CSMD3: variants seen among roughly 807,000 people sequenced by gnomAD.
CSMD3 encodes CUB and sushi domain-containing protein 3.
CSMD3 carries 177 observed loss-of-function variants against 435.2 expected under a neutral mutation model. That is an observed-to-expected ratio of 0.41 (90% CI 0.36 to 0.46). The LOEUF (loss-of-function observed/expected upper bound fraction) is 0.46, where lower values mean the gene tolerates loss of function less well. Among genes scored for constraint, CSMD3 ranks in the 20% least tolerant of loss-of-function variants. CSMD3 has a pLI of 0.34. For missense variants in CSMD3, 4,265 were observed against 4,504.6 expected, an observed-to-expected ratio of 0.95 and a Z score of 1.52; for synonymous variants, 1,656 against 1,520.5, an observed-to-expected ratio of 1.09 and a Z score of -2.07.
chr8:112,769,038 A>C (rs2078049583), intron 13 of CSMD3, among the ~76,000 whole-genome samples: 1 of 151,916 alleles, frequency 6.6e-6, no homozygotes, highest in South Asian at 2.1e-4. Flanking sequence ...TTATACATGT[A>C]AAACATAATT....
At chr8:112,611,048 A>G (rs1002099866) in intron 22 of CSMD3, among the ~76,000 whole-genome samples, 1 of 152,230 alleles carries the variant, frequency 6.6e-6, no homozygotes, top group Non-Finnish European at 1.5e-5. Flanking sequence ...GAGAGGATTT[A>G]CTATGGACTA....
chr8:112,302,008 C>T (rs1423732719), intron 52 of CSMD3, 42 bp from the exon 53 acceptor site: 2 of 1,345,854 alleles, frequency 1.5e-6, no homozygotes, highest in Non-Finnish European at 2.1e-6. Flanking sequence ...AAGATATAGT[C>T]AAGCTGCACT....
chr8:112,855,396 A>G (rs1181265819), intron 11 of CSMD3, among the ~76,000 whole-genome samples: 1 of 152,178 alleles, frequency 6.6e-6, no homozygotes, highest in Non-Finnish European at 1.5e-5. Flanking sequence ...ATCTTGCATC[A>G]TTAGTTAACT....
chr8:113,395,148 A>G (rs183278875), intron 1 of CSMD3, among the ~76,000 whole-genome samples: 1 of 152,158 alleles, frequency 6.6e-6, no homozygotes, highest in Non-Finnish European at 1.5e-5. Context: ...TAGTACAAAC[A>G]TAAGGAACAG....
intron 16 of CSMD3, among the ~76,000 whole-genome samples, chr8:112,671,247 T>G (rs1402158102): frequency 6.6e-6 from 1 of 152,066 alleles, no homozygotes; most frequent in African/African-American, 2.4e-5. Context: ...AAAACTTGTT[T>G]GTTTTTTTTC....
Position 113,174,789 on chromosome 8 carries a change from AAAT to A in CSMD3, c.515-876_515-874del, listed in dbSNP as rs138409869. ...TACTGTTATATTACCTTTATACTACAAATAATAATAAAAACACAAACAGTAATT... is the reference window on the plus strand; with the variant it reads ...TACTGTTATATTACCTTTATACTACAAATAATAAAAACACAAACAGTAATT... On this transcript the variant is annotated intron_variant, in intron 3 of 70. Coordinates refer to ENST00000297405, the MANE Select transcript of CSMD3 (RefSeq NM_198123.2). Among the ~76,000 whole-genome samples the A allele has an allele frequency of 3.8e-3, 575 of 151,948 alleles. 4 individuals are homozygous for A. Among genetic ancestry groups the A allele is most frequent in the African/African-American group, 0.013 (537 of 41,542 alleles).
At chr8:113,301,272 T>TACAGACTTATATATTATTATGAATAA (rs2093764443) in intron 2 of CSMD3, among the ~76,000 whole-genome samples, 1 of 152,086 alleles carries the variant, frequency 6.6e-6, no homozygotes, top group Non-Finnish European at 1.5e-5. Flanking sequence ...ATGTGTATGT[T>TACAGACTTATATATTATTATGAATAA]ACAGACTTAT....
At chr8:112,447,154 A>G (rs961365058) in intron 32 of CSMD3, among the ~76,000 whole-genome samples, 2 of 152,188 alleles carry the variant, frequency 1.3e-5, no homozygotes, top group East Asian at 3.8e-4. Flanking sequence ...AAGTCTAACA[A>G]GATAAAAATC....
chr8:112,382,420 A>T (rs540917232), intron 37 of CSMD3, among the ~76,000 whole-genome samples: 1 of 152,222 alleles, frequency 6.6e-6, no homozygotes, highest in East Asian at 1.9e-4. Flanking sequence ...TTCATGTTTA[A>T]ATCAAATCAC....
At chr8:112,913,838 T>C (rs2082498483) in intron 10 of CSMD3, among the ~76,000 whole-genome samples, 1 of 151,970 alleles carries the variant, frequency 6.6e-6, no homozygotes, top group Non-Finnish European at 1.5e-5. Flanking sequence ...TCCTTTTCTA[T>C]AAAAATTTTT....
At chr8:112,952,059 T>A (rs954369099) in intron 8 of CSMD3, among the ~76,000 whole-genome samples, 2 of 151,636 alleles carry the variant, frequency 1.3e-5, no homozygotes, top group Admixed American at 6.6e-5. Flanking sequence ...TTACTTAATT[T>A]TTTTTAAATC....
At chr8:112,663,631 T>A (rs2075444191) in intron 17 of CSMD3, among the ~76,000 whole-genome samples, 1 of 150,382 alleles carries the variant, frequency 6.6e-6, no homozygotes, top group South Asian at 2.1e-4. Context: ...AAACTTAAAG[T>A]ATAATAAAAA....
At position 113,314,623 on chromosome 8, in the gene CSMD3, C is replaced by T. The variant is rs2132669824; in HGVS notation, c.349G>A (p.Asp117Asn). The part of the protein sequence containing the change: ...FQSFALEEEY[D>N]YLSLYDGHPH... The stretch of plus-strand genomic sequence containing the variant: ...TGTCCATCATATAATGATAAGTAGT[C>T]GTATTCTTCTTCTAGAGCAAATGAC... Residue 117 changes from aspartate (D) to asparagine (N), a missense_variant, in exon 2 of 71, where the codon GAC becomes AAC. Physicochemically the swap from Asp to Asn is conservative, Grantham distance 23. Transcript: ENST00000297405. 2 of 1,610,364 alleles carry T rather than the reference C, an allele frequency of 1.2e-6. No individual in the cohort carries two copies. The highest frequency in any genetic ancestry group is 1.3e-5 in the African/African-American group (1 of 74,912).
chr8:113,153,020 AG>A (rs1169154181), intron 4 of CSMD3, among the ~76,000 whole-genome samples: 2 of 150,642 alleles, frequency 1.3e-5, no homozygotes, highest in African/African-American at 4.9e-5. Flanking sequence ...GGAAAAGAAA[AG>A]AAAAGAGAAA....
At chr8:113,355,749 T>TATATATATATATATACACAC (rs1357514892) in intron 1 of CSMD3, among the ~76,000 whole-genome samples, 6 of 81,316 alleles carry the variant, frequency 7.4e-5, no homozygotes, top group African/African-American at 3.3e-4. Context: ...TATATATATA[T>TATATATATATATATACACAC]ACACACACAC....
intron 27 of CSMD3, among the ~76,000 whole-genome samples, chr8:112,537,024 TA>T (rs922195302): frequency 3.7e-4 from 56 of 151,460 alleles, no homozygotes; most frequent in African/African-American, 1.3e-3. Flanking sequence ...CATTTTGGGG[TA>T]GGGGGAAGGG....
At chr8:113,039,374 T>C (rs1360560016) in intron 5 of CSMD3, among the ~76,000 whole-genome samples, 1 of 152,172 alleles carries the variant, frequency 6.6e-6, no homozygotes, top group Non-Finnish European at 1.5e-5. Context: ...GACCCTTAAT[T>C]AAATGGGTTG....
chr8:113,186,917 T>C (rs1055620561), intron 3 of CSMD3, among the ~76,000 whole-genome samples: 8 of 151,930 alleles, frequency 5.3e-5, no homozygotes, highest in Non-Finnish European at 1.2e-4. Flanking sequence ...GAAGAATTTG[T>C]CCCTACCAGC....
chr8:112,732,699 C>CAAAAAAAAAAAAA (rs34891739), intron 13 of CSMD3, among the ~76,000 whole-genome samples: 3 of 97,186 alleles, frequency 3.1e-5, no homozygotes, highest in African/African-American at 6.7e-5. Context: ...GACTCCATCT[C>CAAAAAAAAAAAAA]AAAAAAAAAA....
Sources: gnomAD v4.1 joint callset for allele counts (sites outside exome capture counted in the v4.1 genomes callset) on GRCh38, gnomAD v4.1.1 for gene constraint, MANE v1.5 for transcripts, NCBI Gene and HGNC (gene_info 2026-07-23, HGNC 2026-07-21) for gene names.